The following UNC80 variants were observed in gnomAD, a reference collection of about 807,000 sequenced individuals.
UNC80 encodes unc-80 subunit of NALCN channel complex, also known as protein unc-80 homolog.
UNC80 carries 164 observed loss-of-function variants against 384.6 expected under a neutral mutation model. The ratio of observed to expected loss-of-function variants is 0.43; its 90% confidence interval spans 0.38 to 0.49. The LOEUF is 0.49. Among genes scored for constraint, UNC80 ranks in the 20% least tolerant of loss-of-function variants. The pLI, the probability that UNC80 is intolerant of heterozygous loss-of-function variation, is 0.00. For synonymous variants in UNC80, 1,486 were observed against 1,527.8 expected, an observed-to-expected ratio of 0.97 and a Z score of 0.64; for missense variants, 3,330 against 4,143.0, an observed-to-expected ratio of 0.80 and a Z score of 5.39.
chr2:209,911,203 T>C (rs752833289), intron 29 of UNC80, among the ~76,000 whole-genome samples: 7 of 152,256 alleles, frequency 4.6e-5, no homozygotes, highest in Non-Finnish European at 1.0e-4. Context: ...TGCCAGTTTT[T>C]AGTATCTTGA....
At chr2:209,888,601 T>G (rs1182628941) in intron 26 of UNC80, among the ~76,000 whole-genome samples, 2 of 152,004 alleles carry the variant, frequency 1.3e-5, no homozygotes, top group Non-Finnish European at 2.9e-5. Flanking sequence ...TTTTTTTGTT[T>G]GTTTGTTGCT....
intron 28 of UNC80, among the ~76,000 whole-genome samples, chr2:209,898,985 T>C (rs180794211): frequency 1.2e-4 from 19 of 152,348 alleles, no homozygotes; most frequent in Non-Finnish European, 2.8e-4. Flanking sequence ...TACTCTATTG[T>C]GTATATGTAC....
intron 47 of UNC80, among the ~76,000 whole-genome samples, chr2:209,950,765 T>A (rs2092138008): frequency 6.6e-6 from 1 of 152,192 alleles, no homozygotes; most frequent in African/African-American, 2.4e-5. Context: ...TCCATGTTGG[T>A]CAGGTTGGTC....
At position 209,921,592 on chromosome 2, in the gene UNC80, T is replaced by A; in HGVS notation, c.5436T>A (p.Leu1812=). Residue 1812 remains leucine, a synonymous_variant, in exon 34 of 65, where the codon CTT becomes CTA. Transcript: ENST00000673920. ...NLQQEEEKKR[L]GREASLITAI... The stretch of plus-strand genomic sequence containing the variant: ...AGCAGGAGGAAGAAAAGAAACGACT[T>A]GGTAGAGAAGCCAGCCTCATCACTG... 6.4e-7 allele frequency: 1 copy of A among 1,551,640 alleles called. No individual in the cohort carries two copies. Among genetic ancestry groups the A allele is most frequent in the Non-Finnish European group, 8.7e-7 (1 of 1,146,980 alleles).
At position 209,921,661 on chromosome 2, in the gene UNC80, G is replaced by A. The variant is rs772167809; in HGVS notation, c.5505G>A (p.Thr1835=). 8.4e-6 allele frequency: 13 copies of A among 1,550,874 alleles called. No homozygotes were observed. Among genetic ancestry groups the A allele is most frequent in the Non-Finnish European group, 9.6e-6 (11 of 1,146,738 alleles). ...AGGCTTGCTATGAGCCCACATGCAC[G>A]CCCAACTCAGAACCGGAAGAAGAAG... The part of the protein sequence containing the change: ...TQEACYEPTC[T]PNSEPEEEVE... Residue 1835 remains threonine, a synonymous_variant, in exon 34 of 65, where the codon ACG becomes ACA. Coordinates refer to ENST00000673920, the MANE Select transcript of UNC80 (RefSeq NM_001371986.1).
At chr2:209,831,394 G>T (rs1235852466) in intron 15 of UNC80, 49 bp from the exon 16 acceptor site, 2 of 1,515,328 alleles carry the variant, frequency 1.3e-6, no homozygotes, top group Non-Finnish European at 8.8e-7. Flanking sequence ...CCTACCCATT[G>T]TGTAGCTTAA....
intron 33 of UNC80, among the ~76,000 whole-genome samples, chr2:209,919,858 A>C (rs1388894908): frequency 6.6e-6 from 1 of 152,226 alleles, no homozygotes; most frequent in African/African-American, 2.4e-5. Context: ...CATCTGAGCC[A>C]GCCACAATCT....
intron 29 of UNC80, among the ~76,000 whole-genome samples, chr2:209,906,058 A>C (rs1487000601): frequency 6.6e-6 from 1 of 152,210 alleles, no homozygotes; most frequent in African/African-American, 2.4e-5. Context: ...ATATTAGGCT[A>C]GATATTCTGT....
At chr2:209,927,105 A>G (rs2090494508) in intron 36 of UNC80, 119 bp downstream of exon 36, 5 of 1,091,828 alleles carry the variant, frequency 4.6e-6, no homozygotes, top group African/African-American at 1.6e-5. Flanking sequence ...TTTTATGCAC[A>G]TATTATAATT....
chr2:209,878,941 G>T (rs779688003), intron 24 of UNC80, among the ~76,000 whole-genome samples: 1 of 152,010 alleles, frequency 6.6e-6, no homozygotes, highest in Non-Finnish European at 1.5e-5. Flanking sequence ...TTGCAGTCAT[G>T]AAATGTAAAA....
intron 58 of UNC80, among the ~76,000 whole-genome samples, chr2:209,977,835 A>C (rs1239274756): frequency 6.6e-6 from 1 of 152,206 alleles, no homozygotes; most frequent in African/African-American, 2.4e-5. Context: ...TTGCCATTAG[A>C]GGGCAGTCAT....
At chr2:209,896,595 G>A (rs1352806182) in intron 28 of UNC80, among the ~76,000 whole-genome samples, 182 bp downstream of exon 28, 2 of 152,152 alleles carry the variant, frequency 1.3e-5, no homozygotes, top group African/African-American at 4.8e-5. Flanking sequence ...CTGCTGGATT[G>A]TACTCATCTT....
At chr2:209,932,519 C>T (rs1177149862) in intron 38 of UNC80, among the ~76,000 whole-genome samples, 1 of 152,184 alleles carries the variant, frequency 6.6e-6, no homozygotes, top group African/African-American at 2.4e-5. Context: ...CCTGCCCCTT[C>T]CCCAGGTCAC....
chr2:209,968,869 CTA>C (rs1490204196), intron 52 of UNC80: 1 of 152,052 alleles, frequency 6.6e-6, no homozygotes, highest in African/African-American at 2.4e-5. Flanking sequence ...GGGAGATAGG[CTA>C]TGAATATGGA....
At chr2:209,977,929 T>C (rs1008971666) in intron 58 of UNC80, among the ~76,000 whole-genome samples, 2 of 152,230 alleles carry the variant, frequency 1.3e-5, no homozygotes, top group African/African-American at 4.8e-5. Context: ...AAAGCTTTTA[T>C]TGTTCTTTGC....
chr2:209,826,612 G>A (rs895247582), intron 14 of UNC80, among the ~76,000 whole-genome samples: 1 of 152,086 alleles, frequency 6.6e-6, no homozygotes, highest in Non-Finnish European at 1.5e-5. Context: ...CTTGTCAACT[G>A]TGTGAAACTT....
In UNC80 at chr2:209,872,981, G is replaced by T. The variant is rs978748268; in HGVS notation, c.3840+11G>T. ...TACCAATGGGGAGACGTGAGCTTTC[G>T]GTTTTCTTCTATAACAATTAGGTTG... On this transcript the variant is annotated intron_variant, in intron 23 of 64. Coordinates refer to ENST00000673920, the MANE Select transcript of UNC80 (RefSeq NM_001371986.1). The surrounding 1 kb of genome is among the most constrained non-coding windows in gnomAD (Gnocchi z 4.1). The T allele has an allele frequency of 1.9e-6, 3 of 1,550,876 alleles. No homozygotes were observed. The highest frequency in any genetic ancestry group is 2.7e-5 in the African/African-American group (2 of 73,096).
intron 4 of UNC80, among the ~76,000 whole-genome samples, chr2:209,784,527 AG>A (rs1257985316): frequency 6.6e-6 from 1 of 152,116 alleles, no homozygotes. Context: ...AGGCACACTT[AG>A]GGCCTTTGTG....
chr2:209,978,310 G>A (rs1364268380), intron 58 of UNC80, among the ~76,000 whole-genome samples: 1 of 152,174 alleles, frequency 6.6e-6, no homozygotes, highest in African/African-American at 2.4e-5. Context: ...CAGATGTTAT[G>A]TTCTGGCAAG....
Sources: gnomAD v4.1 joint callset for allele counts (sites outside exome capture counted in the v4.1 genomes callset) on GRCh38, gnomAD v4.1.1 for gene constraint, Gnocchi (gnomAD v3.1) non-coding constraint, MANE v1.5 for transcripts, NCBI Gene and HGNC (gene_info 2026-07-23, HGNC 2026-07-21) for gene names.